Variants in PREP observed in about 807,000 individuals in gnomAD.
PREP encodes prolyl endopeptidase.
PREP carries 29 observed loss-of-function variants against 87.6 expected under a neutral mutation model. The observed-to-expected ratio is 0.33, with a 90% CI of 0.25 to 0.45. The LOEUF (loss-of-function observed/expected upper bound fraction) is 0.45. PREP is among the 20% of genes least tolerant of loss of function. The pLI is 1.00. For missense variants in PREP, 695 were observed against 886.5 expected, an observed-to-expected ratio of 0.78 and a Z score of 2.74; for synonymous variants, 337 against 328.6, an observed-to-expected ratio of 1.03 and a Z score of -0.28.
chr6:105,285,801 A>T (rs576630130), intron 11 of PREP, among the ~76,000 whole-genome samples: 3 of 152,280 alleles, frequency 2.0e-5, no homozygotes, highest in South Asian at 4.1e-4. Flanking sequence ...TTTGAGACAG[A>T]GTCTCACTCT....
At chr6:105,393,923 C>CTT (rs571952819) in intron 2 of PREP, among the ~76,000 whole-genome samples, 33,608 of 145,564 alleles carry the variant, frequency 0.23, 5,739 homozygotes, top group African/African-American at 0.49. Context: ...AGGTATTTTA[C>CTT]TTTTTTTTTT....
chr6:105,284,105 C>G (rs187402154), intron 12 of PREP, among the ~76,000 whole-genome samples: 37 of 152,258 alleles, frequency 2.4e-4, no homozygotes, highest in African/African-American at 8.7e-4. Context: ...ATCCTCTTAT[C>G]ACTCATCTTT....
chr6:105,309,072 C>A (rs76312741), intron 10 of PREP, among the ~76,000 whole-genome samples: 11 of 152,004 alleles, frequency 7.2e-5, no homozygotes, highest in South Asian at 6.2e-4. Flanking sequence ...GAGGCCAGAG[C>A]GGCTGCAGCA....
chr6:105,377,281 T>G, intron 3 of PREP, 105 bp downstream of exon 3: 4 of 1,244,698 alleles, frequency 3.2e-6, no homozygotes, highest in Non-Finnish European at 2.2e-6. Context: ...TTCCTTATAA[T>G]GAATTAATCT....
At chr6:105,328,782 A>G (rs1253304574) in intron 9 of PREP, 47 bp downstream of exon 9, 3 of 1,587,382 alleles carry the variant, frequency 1.9e-6, no homozygotes, top group Non-Finnish European at 2.6e-6. Context: ...AAACCCAAAC[A>G]CCAGTCGGAT....
At chr6:105,314,143 T>C (rs1415930138) in intron 10 of PREP, among the ~76,000 whole-genome samples, 1 of 152,202 alleles carries the variant, frequency 6.6e-6, no homozygotes, top group African/African-American at 2.4e-5. Flanking sequence ...TACCTTAATT[T>C]AAAAACACTT....
At chr6:105,300,249 T>C (rs1003614146) in intron 10 of PREP, among the ~76,000 whole-genome samples, 3 of 152,212 alleles carry the variant, frequency 2.0e-5, no homozygotes, top group East Asian at 1.9e-4. Context: ...TCAAAAGCGA[T>C]ATTCCAGATA....
intron 10 of PREP, among the ~76,000 whole-genome samples, chr6:105,321,712 G>C (rs1370684811): frequency 6.6e-6 from 1 of 152,130 alleles, no homozygotes; most frequent in Non-Finnish European, 1.5e-5. Context: ...CCTGGCAGTT[G>C]TCATTATTAT....
chr6:105,315,641 T>C (rs1028899964), intron 10 of PREP, among the ~76,000 whole-genome samples: 3 of 152,258 alleles, frequency 2.0e-5, no homozygotes, highest in African/African-American at 4.8e-5. Context: ...TCTTTAGCTA[T>C]GAAAGTCCTA....
At chr6:105,312,880 C>G (rs972948283) in intron 10 of PREP, among the ~76,000 whole-genome samples, 14 of 152,114 alleles carry the variant, frequency 9.2e-5, no homozygotes, top group Non-Finnish European at 1.5e-4. Flanking sequence ...CGGGGCGGCA[C>G]TGGGGCGCGG....
chr6:105,367,785 A>G lies in PREP; in HGVS notation c.717+1118T>C, dbSNP rs536535190. On this transcript the variant is annotated intron_variant, in intron 6 of 14. Transcript: ENST00000652536. The stretch of plus-strand genomic sequence containing the variant: ...GCAAACTTTTTCTATAAAGGTCTAG[A>G]TAGTCCATATTTTCAGCTTTGTGAG... Among the ~76,000 whole-genome samples the G allele has an allele frequency of 8.5e-5, 13 of 152,312 alleles. No homozygotes were observed. In the East Asian group the frequency reaches 2.3e-3, roughly 27 times the overall value.
Position 105,391,060 on chromosome 6 carries a change from C to CACACACACACACT in PREP, c.120+6792_120+6793insAGTGTGTGTGTGT, listed in dbSNP as rs1554212310. On this transcript the variant is annotated intron_variant, in intron 2 of 14. Transcript: ENST00000652536. ...ACACACACACACACACACACACACA[C>CACACACACACACT]TTTTTTTTTTTTTTAATTAAGAGAC... Among the ~76,000 whole-genome samples, 81 of 140,184 alleles carry CACACACACACACT rather than the reference C, an allele frequency of 5.8e-4. 1 individual carries two copies. In the East Asian group the frequency reaches 0.015, roughly 26 times the overall value. 92.0% of individuals were successfully genotyped at this position (140,184 alleles called of 152,430 possible). A position where few individuals can be genotyped will look rare whatever the true frequency, so the allele number is the denominator to read the frequency against.
chr6:105,282,680 GATTAACTT>G, intron 12 of PREP, 98 bp from the exon 13 acceptor site: 1 of 1,376,718 alleles, frequency 7.3e-7, no homozygotes, highest in Non-Finnish European at 9.9e-7. Context: ...TTCAAATACT[GATTAACTT>G]AAAAACCATG....
At chr6:105,340,711 T>C (rs947123168) in intron 7 of PREP, among the ~76,000 whole-genome samples, 1 of 151,614 alleles carries the variant, frequency 6.6e-6, no homozygotes, top group East Asian at 1.9e-4. Context: ...ACCAAGCAAA[T>C]GGAAAACAAA....
At position 105,387,623 on chromosome 6, in the gene PREP, AAAAAAGAAAAAAAG is replaced by A. The variant is rs1366522275; in HGVS notation, c.121-10118_121-10105del. Among the ~76,000 whole-genome samples the A allele has an allele frequency of 5.9e-3, 887 of 149,908 alleles. 23 individuals are homozygous for A. Among genetic ancestry groups the A allele is most frequent in the Admixed American group, 0.039 (592 of 15,018 alleles). Reference sequence around the variant, plus strand: ...CTGATGAGCTAAAAAAAAAAAAAGAAAAAAAGAAAAAAAGAAAAAGAAAAAGAAAGAAAAAGAAA... The same window carrying A: ...CTGATGAGCTAAAAAAAAAAAAAGAAAAAAAGAAAAAGAAAGAAAAAGAAA... On this transcript the variant is annotated intron_variant, in intron 2 of 14. Coordinates refer to ENST00000652536, the MANE Select transcript of PREP (RefSeq NM_002726.5).
At chr6:105,326,098 G>T (rs1475656685) in intron 9 of PREP, among the ~76,000 whole-genome samples, 1 of 152,132 alleles carries the variant, frequency 6.6e-6, no homozygotes, top group African/African-American at 2.4e-5. Context: ...TGTTTTAACT[G>T]ATTTTAGGTT....
At chr6:105,357,393 G>A (rs1772127145) in intron 6 of PREP, among the ~76,000 whole-genome samples, 1 of 152,154 alleles carries the variant, frequency 6.6e-6, no homozygotes, top group Non-Finnish European at 1.5e-5. Flanking sequence ...GTTTTTCTCA[G>A]CATTTCCAGC....
rs79796765 is a variant in PREP, at chr6:105,358,825, G to C, written c.718-5748C>G. ...AGTCACTCAGCTTGCTTTGGTTAAG[G>C]GTACTTGGTTATGCCATTCGTCATT... On this transcript the variant is annotated intron_variant, in intron 6 of 14. Transcript: ENST00000652536. Among the ~76,000 whole-genome samples the C allele has an allele frequency of 1.7e-3, 254 of 152,180 alleles. 1 individual carries two copies. Among genetic ancestry groups the C allele is most frequent in the African/African-American group, 6.0e-3 (249 of 41,514 alleles).
chr6:105,338,574 C>T (rs568247850), intron 7 of PREP, among the ~76,000 whole-genome samples: 57 of 152,300 alleles, frequency 3.7e-4, no homozygotes, highest in Admixed American at 1.3e-3. Flanking sequence ...GAGCATGAGC[C>T]GAAGCAGGGC....
Sources: allele counts gnomAD v4.1 joint callset (sites outside exome capture counted in the v4.1 genomes callset), GRCh38; gene constraint gnomAD v4.1.1; transcripts MANE v1.5; gene names NCBI Gene and HGNC (gene_info 2026-07-23, HGNC 2026-07-21).